The following VPS13A variants were observed in gnomAD, a reference collection of about 807,000 sequenced individuals.
VPS13A encodes intermembrane lipid transfer protein VPS13A.
In VPS13A, 264 loss-of-function variants were observed where a neutral mutation model predicts 390.9. The ratio of observed to expected loss-of-function variants is 0.68; its 90% CI spans 0.61 to 0.75. The LOEUF (loss-of-function observed/expected upper bound fraction) is 0.75, where lower values mean the gene tolerates loss of function less well. VPS13A is among the 30% of genes least tolerant of loss of function. The pLI, the probability that VPS13A is intolerant of heterozygous loss-of-function variation, is 0.00. For synonymous variants in VPS13A, 1,231 were observed against 1,227.1 expected (o/e 1.00, Z -0.07); for missense variants, 3,409 against 3,733.9 (o/e 0.91, Z 2.27).
At chr9:77,407,702 G>C in intron 71 of VPS13A, 95 bp downstream of exon 71, 1 of 977,382 alleles carries the variant, frequency 1.0e-6, no homozygotes, top group Non-Finnish European at 1.6e-6. Flanking sequence ...TTGTTTGGGG[G>C]TTTTTGTTTG....
intron 22 of VPS13A, among the ~76,000 whole-genome samples, chr9:77,254,726 A>G (rs1825343368): frequency 6.6e-6 from 1 of 152,186 alleles, no homozygotes; most frequent in Non-Finnish European, 1.5e-5. Context: ...TCTCAGTACT[A>G]AAGTCTCTTG....
chr9:77,318,619 A>G, intron 41 of VPS13A, 28 bp downstream of exon 41: 2 of 1,487,310 alleles, frequency 1.3e-6, no homozygotes, highest in Non-Finnish European at 1.9e-6. Context: ...GTTTTATAAC[A>G]GATAATGATA....
intron 22 of VPS13A, among the ~76,000 whole-genome samples, chr9:77,255,322 CTATA>C (rs1416539616): frequency 6.6e-6 from 1 of 151,976 alleles, no homozygotes; most frequent in African/African-American, 2.4e-5. Flanking sequence ...TAATTGCTCT[CTATA>C]TATTAAATCA....
intron 68 of VPS13A, among the ~76,000 whole-genome samples, chr9:77,393,380 CT>C (rs1037883385): frequency 2.6e-5 from 4 of 152,180 alleles, no homozygotes; most frequent in African/African-American, 9.7e-5. Flanking sequence ...AGACAAACTC[CT>C]GTTACTATTG....
At chr9:77,406,478 G>A (rs1197015125) in intron 70 of VPS13A, among the ~76,000 whole-genome samples, 1 of 151,950 alleles carries the variant, frequency 6.6e-6, no homozygotes, top group East Asian at 1.9e-4. Flanking sequence ...GGAGTGCAGT[G>A]GCGCTCTTGG....
At chr9:77,312,880 G>C (rs1453160366) in intron 35 of VPS13A, among the ~76,000 whole-genome samples, 1 of 152,190 alleles carries the variant, frequency 6.6e-6, no homozygotes, top group Non-Finnish European at 1.5e-5. Context: ...GAATTTGAAA[G>C]TTAATATGTA....
Position 77,339,737 on chromosome 9 carries a change from G to A in VPS13A, c.6600G>A (p.Met2200Ile), listed in dbSNP as rs1830716752. 1 of 1,613,998 alleles carries A rather than the reference G, an allele frequency of 6.2e-7. No homozygotes were observed. The highest frequency in any genetic ancestry group is 1.7e-5 in the Admixed American group (1 of 60,014). Residue 2200 changes from methionine (M) to isoleucine (I), a missense_variant, in exon 48 of 72, where the codon ATG becomes ATA. By Grantham distance (10) the Met-to-Ile change is conservative. Transcript: ENST00000360280. ...EKTDLDIAVH[M>I]TYNTGQTVVA... Reference sequence around the variant, plus strand: ...CTGATTTAGATATTGCTGTCCATATGACTTACAATACTGGTCAGACAGTTG... The same window carrying A: ...CTGATTTAGATATTGCTGTCCATATAACTTACAATACTGGTCAGACAGTTG...
chr9:77,321,360 A>G, intron 43 of VPS13A, 33 bp downstream of exon 43: 1 of 1,587,342 alleles, frequency 6.3e-7, no homozygotes, highest in Non-Finnish European at 8.6e-7. Flanking sequence ...TTAAATATTG[A>G]GATACTTGTC....
intron 35 of VPS13A, 35 bp from the exon 36 acceptor site, chr9:77,313,957 A>G (rs1554887104): frequency 6.3e-7 from 1 of 1,588,682 alleles, no homozygotes; most frequent in Admixed American, 1.7e-5. Flanking sequence ...TTTTCATGAT[A>G]TTTTCTTTTA....
rs772085146 is a variant in VPS13A at position 77,419,762 on chromosome 9, G to C, written c.*3756G>C. The C allele has an allele frequency of 1.8e-4, 28 of 152,140 alleles. No homozygotes were observed. Among genetic ancestry groups the C allele is most frequent in the South Asian group, 4.1e-4 (2 of 4,834 alleles). The allele number at this position is 152,140 out of a possible 1,614,324, so 9.4% of individuals were successfully genotyped here. On this transcript the variant is annotated 3_prime_UTR_variant, in exon 72 of 72. Transcript: ENST00000360280. ...TACCACTAAGCATTTTACTATAATA[G>C]AACTGGGGACATACATTGTCCTTTT...
chr9:77,361,212 C>T (rs1441428521), intron 59 of VPS13A, among the ~76,000 whole-genome samples: 1 of 152,104 alleles, frequency 6.6e-6, no homozygotes, highest in African/African-American at 2.4e-5. Flanking sequence ...GTACAATCAT[C>T]ATCACTCTCT....
intron 67 of VPS13A, among the ~76,000 whole-genome samples, chr9:77,380,842 G>A (rs1220114626): frequency 6.6e-6 from 1 of 152,166 alleles, no homozygotes. Context: ...TGCATGTGCA[G>A]TTGACAATAG....
chr9:77,352,957 G>A (rs1831552626), intron 53 of VPS13A, among the ~76,000 whole-genome samples: 1 of 152,006 alleles, frequency 6.6e-6, no homozygotes, highest in South Asian at 2.1e-4. Context: ...GCCTCATGAT[G>A]AATATACATG....
At chr9:77,362,172 A>C (rs961307246) in intron 59 of VPS13A, among the ~76,000 whole-genome samples, 36 of 152,124 alleles carry the variant, frequency 2.4e-4, no homozygotes, top group Non-Finnish European at 7.4e-5. Flanking sequence ...AATGAAGTTC[A>C]AATTATTTTT....
At chr9:77,254,975 C>T (rs1825356904) in intron 22 of VPS13A, among the ~76,000 whole-genome samples, 1 of 152,038 alleles carries the variant, frequency 6.6e-6, no homozygotes, top group Non-Finnish European at 1.5e-5. Flanking sequence ...ATATGGGTGC[C>T]TTTTATTTCT....
chr9:77,414,657 T>A (rs1835090982), intron 71 of VPS13A, among the ~76,000 whole-genome samples: 1 of 151,862 alleles, frequency 6.6e-6, no homozygotes, highest in Non-Finnish European at 1.5e-5. Context: ...AGTTGATGGG[T>A]GCAGCACACC....
intron 50 of VPS13A, among the ~76,000 whole-genome samples, chr9:77,341,200 C>G (rs1830785215): frequency 6.6e-6 from 1 of 152,016 alleles, no homozygotes; most frequent in Admixed American, 6.5e-5. Flanking sequence ...ATCAGTGTCT[C>G]TAGAAAAATC....
chr9:77,180,189 GT>G (rs35203237), intron 1 of VPS13A, among the ~76,000 whole-genome samples: 1 of 151,986 alleles, frequency 6.6e-6, no homozygotes, highest in African/African-American at 2.4e-5. Flanking sequence ...TCATGTACAA[GT>G]TTTTTTGTGG....
intron 34 of VPS13A, among the ~76,000 whole-genome samples, chr9:77,307,416 A>C (rs1828819585): frequency 6.6e-6 from 1 of 152,210 alleles, no homozygotes; most frequent in African/African-American, 2.4e-5. Context: ...GCACCACTGC[A>C]TGCCAGCCTG....
Sources: allele counts gnomAD v4.1 joint callset (sites outside exome capture counted in the v4.1 genomes callset), GRCh38; gene constraint gnomAD v4.1.1; transcripts MANE v1.5; gene names NCBI Gene and HGNC (gene_info 2026-07-23, HGNC 2026-07-21).